LUZP1: variants seen among roughly 807,000 people sequenced by gnomAD.
The protein encoded by LUZP1 is filamin mechanobinding actin cross-linking protein.
Under a neutral mutation model 71.3 loss-of-function variants are expected in LUZP1, and 25 were observed. That is an observed-to-expected ratio of 0.35 (90% CI 0.26 to 0.49). LUZP1 has a LOEUF of 0.49. Ranked by LOEUF, LUZP1 falls within the 20% of genes least tolerant of loss-of-function variation. LUZP1 has a pLI of 0.99. For missense variants in LUZP1, 1,142 were observed against 1,300.8 expected, an observed-to-expected ratio of 0.88 and a Z score of 1.88; for synonymous variants, 481 against 506.4, an observed-to-expected ratio of 0.95 and a Z score of 0.67.
At chr1:23,085,014 CAGAG>C (rs1439901649) in exon 5 of LUZP1, 11 of 152,642 alleles carry the variant, frequency 7.2e-5, no homozygotes, top group African/African-American at 2.4e-4. Flanking sequence ...GCAGAGCCAA[CAGAG>C]AGCATTCGCG....
chr1:23,167,394 A>G (rs535754027), intron 2 of LUZP1, among the ~76,000 whole-genome samples: 22 of 152,284 alleles, frequency 1.4e-4, no homozygotes, highest in African/African-American at 5.1e-4. Flanking sequence ...AGGTCCAGAG[A>G]GTATTTTCTC....
chr1:23,129,291 T>C (rs1644195644), intron 2 of LUZP1, among the ~76,000 whole-genome samples: 1 of 152,150 alleles, frequency 6.6e-6, no homozygotes. Context: ...ATTATAAAGA[T>C]GGCAATGAGG....
chr1:23,104,510 T>C (rs1359244855), intron 3 of LUZP1, among the ~76,000 whole-genome samples: 1 of 152,114 alleles, frequency 6.6e-6, no homozygotes, highest in Non-Finnish European at 1.5e-5. Flanking sequence ...TTAATGCATC[T>C]GTTCTCTGAG....
intron 2 of LUZP1, among the ~76,000 whole-genome samples, chr1:23,117,771 G>C (rs1356299417): frequency 6.6e-6 from 1 of 151,938 alleles, no homozygotes; most frequent in Non-Finnish European, 1.5e-5. Context: ...TTGCCAACAT[G>C]TCTCACGTCA....
chr1:23,163,631 A>G (rs1336370184), intron 2 of LUZP1, among the ~76,000 whole-genome samples: 1 of 152,010 alleles, frequency 6.6e-6, no homozygotes, highest in African/African-American at 2.4e-5. Context: ...TCAATTCCTT[A>G]GAACATAAGG....
rs151117661 is a variant in LUZP1 at position 23,166,186 on chromosome 1, T to G, written c.-226+2580A>C. On this transcript the variant is annotated intron_variant, in intron 2 of 4. Transcript: ENST00000302291. ...GGCCCACAGTCACCCAGTGGCTGAG[T>G]CAAAGGCCAAAAAACTAGGTCTCAT... 5.9e-3 allele frequency among the ~76,000 whole-genome samples: 898 copies of G among 152,162 alleles called. 9 individuals carry two copies. Among genetic ancestry groups the G allele is most frequent in the African/African-American group, 0.02 (818 of 41,514 alleles).
chr1:23,156,177 C>T (rs1299431437), intron 2 of LUZP1, among the ~76,000 whole-genome samples: 1 of 152,046 alleles, frequency 6.6e-6, no homozygotes, highest in Non-Finnish European at 1.5e-5. Context: ...GGTCGTAGTT[C>T]GAGACCAGCC....
At chr1:23,106,173 T>C (rs1404846560) in intron 3 of LUZP1, among the ~76,000 whole-genome samples, 1 of 152,232 alleles carries the variant, frequency 6.6e-6, no homozygotes, top group Non-Finnish European at 1.5e-5. Context: ...TTATTCTTAG[T>C]GAACACAAGC....
chr1:23,088,924 G>T (rs748884405), exon 5 of LUZP1: 4 of 1,614,108 alleles, frequency 2.5e-6, no homozygotes, highest in Non-Finnish European at 3.4e-6. Flanking sequence ...GGCCTGGTTG[G>T]CCGTAATCGT....
intron 2 of LUZP1, chr1:23,133,509 T>A (rs1644230524): frequency 6.6e-6 from 1 of 152,144 alleles, no homozygotes; most frequent in South Asian, 2.1e-4. Flanking sequence ...ATGCCTGTAA[T>A]CCCAGCACTC....
exon 5 of LUZP1, chr1:23,088,666 G>A (rs1222928564): frequency 4.1e-6 from 2 of 489,214 alleles, no homozygotes; most frequent in Non-Finnish European, 7.3e-6. Flanking sequence ...GAGAGAGAGA[G>A]GACTCGTGCA....
chr1:23,141,061 C>T (rs909586499), intron 2 of LUZP1: 4 of 152,524 alleles, frequency 2.6e-5, no homozygotes, highest in African/African-American at 9.6e-5. Flanking sequence ...ACCACAGCTA[C>T]CTGGTCTGTG....
exon 5 of LUZP1, chr1:23,085,575 A>G (rs1643752374): frequency 2.0e-5 from 3 of 152,572 alleles, no homozygotes; most frequent in Admixed American, 2.0e-4. Flanking sequence ...GGGAAGTGGT[A>G]GCACTTGGCA....
At chr1:23,117,783 A>T (rs7527518) in intron 2 of LUZP1, among the ~76,000 whole-genome samples, 51,436 of 151,860 alleles carry the variant, frequency 0.34, 9,208 homozygotes, top group East Asian at 0.45. Flanking sequence ...CTCACGTCAA[A>T]GTCTACATTA....
chr1:23,088,848 G>A, exon 5 of LUZP1: 1 of 1,596,454 alleles, frequency 6.3e-7, no homozygotes. Context: ...GACGGTGGAA[G>A]AGCTGAGAAG....
intron 2 of LUZP1, among the ~76,000 whole-genome samples, chr1:23,161,672 T>C (rs777421880): frequency 2.0e-5 from 3 of 152,146 alleles, no homozygotes; most frequent in Non-Finnish European, 2.9e-5. Flanking sequence ...AAAATGCCAA[T>C]TGCCTACCCG....
intron 2 of LUZP1, chr1:23,133,788 TAAATAAATAAATAAAG>T (rs1195874325): frequency 1.3e-5 from 2 of 151,192 alleles, no homozygotes; most frequent in Admixed American, 1.3e-4. Flanking sequence ...AATAAATAAA[TAAATAAATAAATAAAG>T]AGATAGACTG....
intron 2 of LUZP1, among the ~76,000 whole-genome samples, chr1:23,165,892 T>A (rs1309643972): frequency 6.6e-6 from 1 of 152,148 alleles, no homozygotes; most frequent in South Asian, 2.1e-4. Flanking sequence ...CCATTAGCTA[T>A]CCATCAACTT....
chr1:23,138,819 G>A (rs1644277243), intron 2 of LUZP1, among the ~76,000 whole-genome samples: 1 of 149,662 alleles, frequency 6.7e-6, no homozygotes, highest in African/African-American at 2.5e-5. Context: ...GGGCAACGGT[G>A]AAACCTCGTC....
Sources: gnomAD v4.1 joint callset for allele counts (sites outside exome capture counted in the v4.1 genomes callset) on GRCh38, gnomAD v4.1.1 for gene constraint, MANE v1.5 for transcripts, NCBI Gene and HGNC (gene_info 2026-07-23, HGNC 2026-07-21) for gene names.